The following NPAS3 variants were observed in gnomAD, a reference collection of about 807,000 sequenced individuals.
NPAS3 encodes neuronal PAS domain protein 3, also known as neuronal PAS domain-containing protein 3.
A neutral mutation model predicts 73.1 loss-of-function variants in NPAS3; 14 were observed. The observed-to-expected ratio is 0.19, with a 90% confidence interval of 0.13 to 0.30. The LOEUF is 0.30. Ranked by LOEUF, NPAS3 falls within the 10% of genes least tolerant of loss-of-function variation. The pLI is 1.00. For missense variants in NPAS3, 1,096 were observed against 1,250.0 expected, an observed-to-expected ratio of 0.88 and a Z score of 1.86; for synonymous variants, 620 against 541.5, an observed-to-expected ratio of 1.14 and a Z score of -2.01.
intron 4 of NPAS3, among the ~76,000 whole-genome samples, chr14:33,415,059 C>T (rs2048092270): frequency 6.6e-6 from 1 of 152,064 alleles, no homozygotes; most frequent in African/African-American, 2.4e-5. Context: ...TATTTTTCAA[C>T]CAATATGCAT....
chr14:33,120,627 G>C (rs1039652816), intron 2 of NPAS3, among the ~76,000 whole-genome samples: 1 of 152,092 alleles, frequency 6.6e-6, no homozygotes, highest in Admixed American at 6.6e-5. Flanking sequence ...TGGTCCATGG[G>C]CTAATAGCAT....
In NPAS3 at chr14:33,235,388, C is replaced by CT. The variant is rs201875465; in HGVS notation, c.385+19970dup. On this transcript the variant is annotated intron_variant, in intron 3 of 11. Transcript: ENST00000356141. ...AGCTTTTGTCCGATTTATGGCTTTC[C>CT]TTTTTTTTCAGCTAAAAATCTGTAA... Among the ~76,000 whole-genome samples, 131 of 151,778 alleles carry CT rather than the reference C, an allele frequency of 8.6e-4. 2 individuals are homozygous for CT. In the South Asian group the frequency reaches 0.01, roughly 12 times the overall value.
intron 4 of NPAS3, among the ~76,000 whole-genome samples, chr14:33,390,145 G>A (rs532803997): frequency 1.2e-4 from 18 of 152,278 alleles, no homozygotes; most frequent in African/African-American, 4.3e-4. Context: ...CATTCTTTAA[G>A]AATACAATTG....
intron 2 of NPAS3, chr14:33,214,598 ATTTTAAATATGATGTTTTCTT>A (rs1196875241): frequency 6.6e-6 from 1 of 152,350 alleles, no homozygotes; most frequent in Non-Finnish European, 1.5e-5. Context: ...TGAAATCTTC[ATTTTAAATATGATGTTTTCTT>A]CATCTAACTG....
intron 4 of NPAS3, among the ~76,000 whole-genome samples, chr14:33,548,807 G>A (rs1246090357): frequency 6.6e-6 from 1 of 152,182 alleles, no homozygotes; most frequent in Non-Finnish European, 1.5e-5. Context: ...TGTTGGCTGA[G>A]ATGCCAGCTA....
intron 1 of NPAS3, among the ~76,000 whole-genome samples, chr14:33,052,724 A>G (rs2040753894): frequency 6.6e-6 from 1 of 152,148 alleles, no homozygotes; most frequent in African/African-American, 2.4e-5. Context: ...CTTTGCTACT[A>G]CGGTGGCAAT....
intron 2 of NPAS3, chr14:33,214,775 G>A (rs1043219241): frequency 1.2e-5 from 2 of 171,018 alleles, no homozygotes; most frequent in Non-Finnish European, 2.5e-5. Flanking sequence ...ATCCCATACT[G>A]ATGAAAGTTA....
At chr14:33,547,993 G>T (rs1279611745) in intron 4 of NPAS3, among the ~76,000 whole-genome samples, 1 of 152,218 alleles carries the variant, frequency 6.6e-6, no homozygotes, top group Admixed American at 6.5e-5. Context: ...TACTACTGTA[G>T]TAATGAAAGT....
chr14:33,468,586 G>A (rs527891767), intron 4 of NPAS3, among the ~76,000 whole-genome samples: 39 of 152,260 alleles, frequency 2.6e-4, no homozygotes, highest in Admixed American at 1.1e-3. Context: ...ACTAATTCCA[G>A]AGATTCAGAA....
At chr14:33,429,422 A>G (rs2048690997) in intron 4 of NPAS3, among the ~76,000 whole-genome samples, 2 of 152,106 alleles carry the variant, frequency 1.3e-5, no homozygotes, top group East Asian at 1.9e-4. Flanking sequence ...ACCAAGCCCA[A>G]CGACCTAGTT....
intron 5 of NPAS3, among the ~76,000 whole-genome samples, chr14:33,572,267 T>C (rs183021658): frequency 6.6e-6 from 1 of 152,282 alleles, no homozygotes; most frequent in East Asian, 1.9e-4. Flanking sequence ...TTCATATTTA[T>C]AGCCTCCTAA....
At chr14:33,147,303 G>A (rs765432661) in intron 2 of NPAS3, among the ~76,000 whole-genome samples, 1 of 152,216 alleles carries the variant, frequency 6.6e-6, no homozygotes, top group South Asian at 2.1e-4. Flanking sequence ...ATAATCAACT[G>A]TTCTTTACAG....
At chr14:33,044,358 G>C (rs1192705134) in intron 1 of NPAS3, among the ~76,000 whole-genome samples, 2 of 152,254 alleles carry the variant, frequency 1.3e-5, no homozygotes, top group East Asian at 1.9e-4. Context: ...TTTTAGATGA[G>C]GGCAACCATT....
intron 3 of NPAS3, among the ~76,000 whole-genome samples, chr14:33,280,366 GTGT>G (rs1465900072): frequency 6.6e-6 from 1 of 152,144 alleles, no homozygotes; most frequent in Non-Finnish European, 1.5e-5. Context: ...TTAAGCATTA[GTGT>G]TGTAAAATGA....
intron 5 of NPAS3, among the ~76,000 whole-genome samples, chr14:33,602,983 C>T (rs1454847962): frequency 6.6e-6 from 1 of 152,202 alleles, no homozygotes; most frequent in East Asian, 1.9e-4. Flanking sequence ...TTCACAATGT[C>T]ACTTCCAATC....
chr14:33,552,202 G>A (rs976432782), intron 4 of NPAS3, among the ~76,000 whole-genome samples: 5 of 152,208 alleles, frequency 3.3e-5, no homozygotes, highest in African/African-American at 1.2e-4. Flanking sequence ...CGTGTGGAAA[G>A]AAATGCTGGA....
intron 2 of NPAS3, among the ~76,000 whole-genome samples, chr14:33,147,578 T>C (rs1039969349): frequency 6.8e-6 from 1 of 147,138 alleles, no homozygotes; most frequent in Non-Finnish European, 1.5e-5. Flanking sequence ...CACCGGGGCC[T>C]GTTGTGGGGT....
intron 6 of NPAS3, among the ~76,000 whole-genome samples, chr14:33,680,436 C>T (rs2059901621): frequency 6.6e-6 from 1 of 152,072 alleles, no homozygotes; most frequent in Non-Finnish European, 1.5e-5. Flanking sequence ...CACTACGTAC[C>T]CTCCTAGATT....
chr14:33,757,873 G>A (rs1452955658), intron 7 of NPAS3, among the ~76,000 whole-genome samples: 2 of 152,172 alleles, frequency 1.3e-5, no homozygotes, highest in African/African-American at 4.8e-5. Context: ...CATGTGGAGA[G>A]GCCATTCCTT....
Sources: allele counts gnomAD v4.1 joint callset (sites outside exome capture counted in the v4.1 genomes callset), GRCh38; gene constraint gnomAD v4.1.1; transcripts MANE v1.5; gene names NCBI Gene and HGNC (gene_info 2026-07-23, HGNC 2026-07-21).